SNX29: variants seen among roughly 807,000 people sequenced by gnomAD.
SNX29 encodes sorting nexin-29.
Under a neutral mutation model 102.1 loss-of-function variants are expected in SNX29, and 78 were observed. The observed-to-expected ratio is 0.76, with a 90% confidence interval of 0.64 to 0.92. The LOEUF (loss-of-function observed/expected upper bound fraction) is 0.92. SNX29 is among the 40% of genes least tolerant of loss of function. The pLI is 0.00. For missense variants in SNX29, 1,280 were observed against 1,061.7 expected (o/e 1.21, Z -2.86); for synonymous variants, 580 against 414.5 (o/e 1.40, Z -4.85).
At chr16:12,550,968 G>A (rs573077426) in intron 20 of SNX29, among the ~76,000 whole-genome samples, 6 of 152,206 alleles carry the variant, frequency 3.9e-5, no homozygotes, top group Admixed American at 3.3e-4. Context: ...ATGGGCTTAG[G>A]GCACAACAAA....
At chr16:12,560,482 C>T (rs908610984) in intron 20 of SNX29, among the ~76,000 whole-genome samples, 3 of 152,164 alleles carry the variant, frequency 2.0e-5, no homozygotes, top group African/African-American at 4.8e-5. Flanking sequence ...TCACACTTAC[C>T]TCCTGCTTTT....
intron 18 of SNX29, among the ~76,000 whole-genome samples, chr16:12,409,003 C>T (rs144487803): frequency 1.3e-5 from 2 of 152,310 alleles, no homozygotes; most frequent in East Asian, 1.9e-4. Context: ...AGTTTGTGTT[C>T]CTGTGTCCTG....
chr16:12,186,084 T>C (rs2076502918), intron 13 of SNX29, among the ~76,000 whole-genome samples: 1 of 152,216 alleles, frequency 6.6e-6, no homozygotes, highest in Non-Finnish European at 1.5e-5. Context: ...GTTTTTATAT[T>C]GACCAAACAA....
At chr16:12,045,739 TC>T (rs926560639) in intron 5 of SNX29, among the ~76,000 whole-genome samples, 1 of 151,902 alleles carries the variant, frequency 6.6e-6, no homozygotes, top group Non-Finnish European at 1.5e-5. Context: ...TTCTCCTGCC[TC>T]AGCCTCCCGA....
intron 11 of SNX29, among the ~76,000 whole-genome samples, chr16:12,124,189 C>G (rs1440085156): frequency 1.3e-5 from 2 of 152,112 alleles, no homozygotes; most frequent in Non-Finnish European, 2.9e-5. Context: ...AACCCCATCT[C>G]TACTAAAAAT....
intron 19 of SNX29, among the ~76,000 whole-genome samples, chr16:12,502,948 G>A (rs1597636081): frequency 6.6e-6 from 1 of 152,202 alleles, no homozygotes; most frequent in African/African-American, 2.4e-5. Context: ...AAGCACTCAC[G>A]TTGCTGCATG....
intron 13 of SNX29, among the ~76,000 whole-genome samples, chr16:12,165,593 C>T (rs551672965): frequency 6.6e-6 from 1 of 152,194 alleles, no homozygotes; most frequent in Admixed American, 6.5e-5. Context: ...CAGAGTCTTG[C>T]TCTGTCACCC....
At chr16:12,497,565 C>G (rs1156744759) in intron 19 of SNX29, among the ~76,000 whole-genome samples, 1 of 152,164 alleles carries the variant, frequency 6.6e-6, no homozygotes, top group African/African-American at 2.4e-5. Context: ...TGGCTGGAGT[C>G]GGGAGCTCAG....
At chr16:12,032,953 C>G (rs2057384589) in intron 4 of SNX29, among the ~76,000 whole-genome samples, 1 of 152,106 alleles carries the variant, frequency 6.6e-6, no homozygotes, top group Non-Finnish European at 1.5e-5. Flanking sequence ...CCCCCAGGTT[C>G]AAGTGATTCT....
chr16:12,559,889 G>A (rs1051990391), intron 20 of SNX29, among the ~76,000 whole-genome samples: 1 of 152,186 alleles, frequency 6.6e-6, no homozygotes, highest in Non-Finnish European at 1.5e-5. Flanking sequence ...TGAGGCAGGA[G>A]AATGGCATGA....
chr16:12,129,471 G>C (rs530150063), intron 12 of SNX29, among the ~76,000 whole-genome samples, 159 bp from the exon 13 acceptor site: 1 of 152,322 alleles, frequency 6.6e-6, no homozygotes, highest in East Asian at 1.9e-4. Flanking sequence ...ATTAGAGTTT[G>C]CTATCTCCAG....
intron 14 of SNX29, among the ~76,000 whole-genome samples, chr16:12,269,747 C>G (rs1251676413): frequency 6.6e-6 from 1 of 152,122 alleles, no homozygotes; most frequent in Non-Finnish European, 1.5e-5. Flanking sequence ...TGTGAGCTAT[C>G]ATCGACATGA....
At chr16:12,330,532 C>A (rs754415121) in intron 15 of SNX29, among the ~76,000 whole-genome samples, 1 of 152,184 alleles carries the variant, frequency 6.6e-6, no homozygotes, top group Admixed American at 6.5e-5. Context: ...TTTAATCCTC[C>A]CGACAGCTCT....
At chr16:12,438,484 A>G (rs2085642449) in intron 18 of SNX29, among the ~76,000 whole-genome samples, 1 of 152,038 alleles carries the variant, frequency 6.6e-6, no homozygotes, top group African/African-American at 2.4e-5. Flanking sequence ...CTTTTCAGTG[A>G]TCATTTGATC....
At chr16:12,470,523 C>T (rs2087286617) in intron 18 of SNX29, among the ~76,000 whole-genome samples, 1 of 152,172 alleles carries the variant, frequency 6.6e-6, no homozygotes, top group Admixed American at 6.5e-5. Flanking sequence ...CAGAGAGGTG[C>T]ACCGAGCTTG....
At chr16:12,117,745 T>C (rs923336715) in intron 11 of SNX29, among the ~76,000 whole-genome samples, 1 of 152,210 alleles carries the variant, frequency 6.6e-6, no homozygotes, top group Non-Finnish European at 1.5e-5. Flanking sequence ...AATTGTTCAC[T>C]TTCAAATGGT....
intron 18 of SNX29, among the ~76,000 whole-genome samples, chr16:12,433,828 C>G (rs535116850): frequency 6.6e-6 from 1 of 151,858 alleles, no homozygotes; most frequent in Admixed American, 6.6e-5. Flanking sequence ...TGTCTCAAAA[C>G]AAAACAAAAA....
At chr16:12,212,484 G>C (rs770293069) in intron 14 of SNX29, among the ~76,000 whole-genome samples, 1 of 132,502 alleles carries the variant, frequency 7.5e-6, no homozygotes, top group African/African-American at 2.6e-5. Context: ...CAGGCACAGA[G>C]CTTCTGGTTG....
At chr16:12,363,318 G>T (rs2082359296) in intron 16 of SNX29, among the ~76,000 whole-genome samples, 1 of 152,134 alleles carries the variant, frequency 6.6e-6, no homozygotes, top group Admixed American at 6.5e-5. Context: ...GCTTTTCACT[G>T]TAAGAGGCAT....
Sources: gnomAD v4.1 joint callset for allele counts (sites outside exome capture counted in the v4.1 genomes callset) on GRCh38, gnomAD v4.1.1 for gene constraint, MANE v1.5 for transcripts, NCBI Gene and HGNC (gene_info 2026-07-23, HGNC 2026-07-21) for gene names.